The following NUCB2 variants were observed in gnomAD, a reference collection of about 807,000 sequenced individuals.
NUCB2 encodes the protein nucleobindin-2.
In NUCB2, 48 loss-of-function variants were observed where a neutral mutation model predicts 57.9. The ratio of observed to expected loss-of-function variants is 0.83; its 90% CI spans 0.66 to 1.05. NUCB2 has a LOEUF of 1.05. Among genes scored for constraint, NUCB2 ranks in the 50% least tolerant of loss-of-function variants. NUCB2 has a pLI of 0.00. For missense variants in NUCB2, 442 were observed against 476.2 expected, an observed-to-expected ratio of 0.93 and a Z score of 0.67; for synonymous variants, 139 against 152.1, an observed-to-expected ratio of 0.91 and a Z score of 0.64.
intron 2 of NUCB2, among the ~76,000 whole-genome samples, chr11:17,290,628 A>C (rs537899056): frequency 3.2e-4 from 48 of 152,288 alleles, no homozygotes; most frequent in African/African-American, 1.2e-3. Flanking sequence ...AAAGCTAGAA[A>C]ATCTTAAGTT....
chr11:17,301,629 C>G (rs1427336933), intron 4 of NUCB2, 115 bp from the exon 5 acceptor site: 7 of 625,182 alleles, frequency 1.1e-5, no homozygotes, highest in Middle Eastern at 9.1e-4. Flanking sequence ...TTAAATTTAT[C>G]TAAATTAGTC....
At chr11:17,347,268 AAGGAGGCAAGTCAGATATGCATCTAT>A (rs1405766703) in intron 2 of NUCB2, among the ~76,000 whole-genome samples, 1 of 152,202 alleles carries the variant, frequency 6.6e-6, no homozygotes, top group Non-Finnish European at 1.5e-5. Flanking sequence ...TACCTTTCCA[AAGGAGGCAAGTCAGATATGCATCTAT>A]CTCCGTGAGC....
intron 4 of NUCB2, among the ~76,000 whole-genome samples, chr11:17,299,773 A>G (rs948125466): frequency 2.0e-5 from 3 of 151,992 alleles, no homozygotes; most frequent in African/African-American, 7.2e-5. Context: ...GCATGGTGGC[A>G]TGCATCTGTA....
chr11:17,288,932 C>T (rs1411236127), intron 2 of NUCB2, among the ~76,000 whole-genome samples: 2 of 87,254 alleles, frequency 2.3e-5, no homozygotes, highest in South Asian at 4.3e-4. Context: ...CACACACACA[C>T]ACACACACAC....
intron 10 of NUCB2, 81 bp downstream of exon 10, chr11:17,312,201 T>C: frequency 1.2e-6 from 1 of 810,550 alleles, no homozygotes; most frequent in Non-Finnish European, 1.9e-6. Flanking sequence ...ATGGAAAATA[T>C]ACAGAATTTG....
chr11:17,314,796 T>A (rs72863680), intron 10 of NUCB2, among the ~76,000 whole-genome samples: 7,279 of 152,306 alleles, frequency 0.048, 292 homozygotes, highest in Admixed American at 0.14. Context: ...CTCTGTTGAC[T>A]GCTGACATCC....
chr11:17,277,807 T>G (rs922522434), intron 1 of NUCB2, among the ~76,000 whole-genome samples: 6 of 152,238 alleles, frequency 3.9e-5, no homozygotes, highest in Non-Finnish European at 7.3e-5. Context: ...ATGGGAAAGT[T>G]AAAGAATTGA....
At chr11:17,342,248 T>C (rs1952334289) in intron 2 of NUCB2, among the ~76,000 whole-genome samples, 1 of 152,234 alleles carries the variant, frequency 6.6e-6, no homozygotes, top group African/African-American at 2.4e-5. Context: ...CCAATTTTGT[T>C]GATCTTTTCA....
chr11:17,295,183 A>T, intron 2 of NUCB2, 141 bp from the exon 3 acceptor site: 1 of 603,136 alleles, frequency 1.7e-6, no homozygotes, highest in Non-Finnish European at 2.7e-6. Flanking sequence ...GTTTTAATCT[A>T]TTCTTTCCTT....
At chr11:17,320,573 C>T (rs892169497) in intron 11 of NUCB2, among the ~76,000 whole-genome samples, 13 of 152,148 alleles carry the variant, frequency 8.5e-5, no homozygotes, top group Admixed American at 3.3e-4. Flanking sequence ...AGGAGAATCA[C>T]TTGAACCTGG....
chr11:17,330,180 T>TATTATTGCTTTAC lies in NUCB2; in HGVS notation c.1058_1070dup (p.Gln357HisfsTer8). Reference sequence around the variant, plus strand: ...AGGAAGAACTAAAAGAATATGAAAATATTATTGCTTTACAAGAAAATGAAC... The same window carrying TATTATTGCTTTAC: ...AGGAAGAACTAAAAGAATATGAAAATATTATTGCTTTACATTATTGCTTTACAAGAAAATGAAC... On this transcript the variant is annotated frameshift_variant, in exon 12 of 14. Coordinates refer to ENST00000529010, the MANE Select transcript of NUCB2 (RefSeq NM_005013.4). LOFTEE classifies it high-confidence loss of function. The surrounding 1 kb of genome is among the most constrained non-coding windows in gnomAD (Gnocchi z 4.3). 6.3e-7 allele frequency: 1 copy of TATTATTGCTTTAC among 1,590,710 alleles called. No homozygotes were observed. Among genetic ancestry groups the TATTATTGCTTTAC allele is most frequent in the Non-Finnish European group, 8.6e-7 (1 of 1,161,290 alleles).
At chr11:17,302,549 C>A (rs1377715114) in intron 5 of NUCB2, among the ~76,000 whole-genome samples, 1 of 151,960 alleles carries the variant, frequency 6.6e-6, no homozygotes, top group Non-Finnish European at 1.5e-5. Context: ...AAGATCCAGA[C>A]CATTTCTTTT....
intron 2 of NUCB2, among the ~76,000 whole-genome samples, chr11:17,284,127 C>T (rs1383581858): frequency 5.3e-5 from 8 of 152,280 alleles, no homozygotes; most frequent in Admixed American, 3.9e-4. Context: ...AAGCGATTCT[C>T]CTGCCTCAGC....
intron 5 of NUCB2, among the ~76,000 whole-genome samples, chr11:17,307,103 T>A (rs1422531282): frequency 6.6e-6 from 1 of 152,084 alleles, no homozygotes; most frequent in Non-Finnish European, 1.5e-5. Context: ...GGAGTCTGGC[T>A]GTGTTGCCCA....
chr11:17,317,630 C>A (rs1371609086), intron 11 of NUCB2: 1 of 394,926 alleles, frequency 2.5e-6, no homozygotes, highest in Non-Finnish European at 5.2e-6. Flanking sequence ...TTATGTTGTA[C>A]AATGTCCCTT....
chr11:17,315,837 T>C (rs1351762316), intron 11 of NUCB2, among the ~76,000 whole-genome samples: 1 of 152,224 alleles, frequency 6.6e-6, no homozygotes, highest in Non-Finnish European at 1.5e-5. Flanking sequence ...CGTACTGTGT[T>C]AATTTGGAAT....
intron 2 of NUCB2, among the ~76,000 whole-genome samples, chr11:17,342,989 G>T (rs1412625131): frequency 6.6e-6 from 1 of 152,016 alleles, no homozygotes; most frequent in Admixed American, 6.6e-5. Flanking sequence ...TTATGAATCT[G>T]GGTGCTCCTG....
intron 6 of NUCB2, among the ~76,000 whole-genome samples, chr11:17,310,011 A>C (rs761230432): frequency 2.6e-5 from 4 of 152,198 alleles, no homozygotes; most frequent in Admixed American, 6.5e-5. Flanking sequence ...TACAGATGCT[A>C]CAGGGATATT....
intron 2 of NUCB2, among the ~76,000 whole-genome samples, chr11:17,348,988 C>T (rs1953006708): frequency 6.6e-6 from 1 of 151,926 alleles, no homozygotes. Context: ...CCATGTTGGC[C>T]AGGCTGGTCT....
Sources: allele counts gnomAD v4.1 joint callset (sites outside exome capture counted in the v4.1 genomes callset), GRCh38; gene constraint gnomAD v4.1.1; non-coding constraint Gnocchi (gnomAD v3.1); transcripts MANE v1.5; gene names NCBI Gene and HGNC (gene_info 2026-07-23, HGNC 2026-07-21).